Variants in AP2S1 observed in about 807,000 individuals in gnomAD.
The protein encoded by AP2S1 is adaptor related protein complex 2 subunit sigma 1.
A neutral mutation model predicts 21.0 loss-of-function variants in AP2S1; 6 were observed. The observed-to-expected ratio is 0.29, with a 90% CI of 0.16 to 0.56. The LOEUF (loss-of-function observed/expected upper bound fraction) is 0.56, where lower values mean the gene tolerates loss of function less well. Ranked by LOEUF, AP2S1 falls within the 20% of genes least tolerant of loss-of-function variation. AP2S1 has a pLI of 0.92. For missense variants in AP2S1, 60 were observed against 186.2 expected (o/e 0.32, Z 3.95); for synonymous variants, 63 against 74.6 (o/e 0.84, Z 0.80).
In AP2S1 at chr19:46,838,356, G is replaced by A; in HGVS notation, c.*91C>T. ...GTCCCTTCCTCCTAGGCAGCTGAGG[G>A]AAGGACTGCTGGGTTGGCCACGGGC... On this transcript the variant is annotated 3_prime_UTR_variant, in exon 5 of 5. Coordinates refer to ENST00000263270, the MANE Select transcript of AP2S1 (RefSeq NM_004069.6). The surrounding 1 kb of genome is among the most constrained non-coding windows in gnomAD (Gnocchi z 4.1). 1 of 1,271,136 alleles carries A rather than the reference G, an allele frequency of 7.9e-7. No homozygotes were observed. Among genetic ancestry groups the A allele is most frequent in the South Asian group, 1.2e-5 (1 of 81,036 alleles). The allele number at this position is 1,271,136 out of a possible 1,614,324, so 78.7% of individuals were successfully genotyped here.
At chr19:46,842,675 A>G (rs924450503) in intron 2 of AP2S1, among the ~76,000 whole-genome samples, 7 of 151,994 alleles carry the variant, frequency 4.6e-5, no homozygotes, top group African/African-American at 1.4e-4. Context: ...CCACTACATT[A>G]GCAGCAAGGT....
intron 2 of AP2S1, among the ~76,000 whole-genome samples, chr19:46,841,409 G>A (rs1201567865): frequency 6.6e-6 from 1 of 152,170 alleles, no homozygotes; most frequent in Non-Finnish European, 1.5e-5. Flanking sequence ...CTCCCTTCCT[G>A]TTTTAAATTT....
chr19:46,845,639 CA>C (rs1292439696), intron 2 of AP2S1: 12 of 164,456 alleles, frequency 7.3e-5, no homozygotes, highest in East Asian at 1.6e-4. Context: ...AACGCACCAG[CA>C]AAAAAAATTT....
intron 3 of AP2S1, among the ~76,000 whole-genome samples, 179 bp downstream of exon 3, chr19:46,839,286 C>CAAAAAAAAAAAAAAAAAAAAAAAAAAAAA (rs771792607): frequency 5.5e-5 from 4 of 72,920 alleles, no homozygotes; most frequent in South Asian, 5.0e-4. Context: ...GACTCCGTCT[C>CAAAAAAAAAAAAAAAAAAAAAAAAAAAAA]AAAAAAAAAA....
intron 3 of AP2S1, 124 bp downstream of exon 3, chr19:46,839,335 AATGGAG>A: frequency 1.3e-6 from 1 of 797,460 alleles, no homozygotes. Context: ...AAAAAAAAGA[AATGGAG>A]AGGGAGAGTC....
rs535758954 is a variant in AP2S1, at chr19:46,845,172, G to A, written c.153+821C>T. 1.7e-3 allele frequency among the ~76,000 whole-genome samples: 261 copies of A among 151,056 alleles called. 1 individual carries two copies. In the Middle Eastern group the frequency reaches 0.021, roughly 12 times the overall value. On this transcript the variant is annotated intron_variant, in intron 2 of 4. Coordinates refer to ENST00000263270, the MANE Select transcript of AP2S1 (RefSeq NM_004069.6). The stretch of plus-strand genomic sequence containing the variant: ...GCCTGTAATCCCAGCACTTTGGAAG[G>A]CCGAGGAGGGTGGATTACAAGGTCA...
intron 2 of AP2S1, among the ~76,000 whole-genome samples, chr19:46,844,646 A>G (rs1396668362): frequency 6.6e-6 from 1 of 151,950 alleles, no homozygotes; most frequent in Non-Finnish European, 1.5e-5. Flanking sequence ...AAAAATACAA[A>G]TATTAGCTGG....
At chr19:46,839,605 C>T (rs552764278) in intron 2 of AP2S1, 27 bp from the exon 3 acceptor site, 27 of 1,614,104 alleles carry the variant, frequency 1.7e-5, no homozygotes, top group Middle Eastern at 3.3e-4. Flanking sequence ...CTGTCAGCAA[C>T]GGAGATTGCC....
In AP2S1 at chr19:46,839,796, G is replaced by A; in HGVS notation, c.154-218C>T. ...CCCCAGAATGGACAGGATGGGCTGTGAGAGCCCAAAGAGGGTGCCTAACCC... is the reference window on the plus strand; with the variant it reads ...CCCCAGAATGGACAGGATGGGCTGTAAGAGCCCAAAGAGGGTGCCTAACCC... On this transcript the variant is annotated intron_variant, in intron 2 of 4. Coordinates refer to ENST00000263270, the MANE Select transcript of AP2S1 (RefSeq NM_004069.6). The A allele has an allele frequency of 4.0e-6, 3 of 749,584 alleles. No homozygotes were observed. In the East Asian group the frequency reaches 8.5e-5, roughly 21 times the overall value. 46.4% of individuals were successfully genotyped at this position (749,584 alleles called of 1,614,324 possible).
chr19:46,842,626 C>G (rs993284117), intron 2 of AP2S1, among the ~76,000 whole-genome samples: 15 of 152,146 alleles, frequency 9.9e-5, no homozygotes, highest in Admixed American at 9.8e-4. Flanking sequence ...TTGGGCCTCA[C>G]TGACCCCTCC....
At chr19:46,847,503 C>T (rs1391759913) in intron 1 of AP2S1, among the ~76,000 whole-genome samples, 1 of 152,210 alleles carries the variant, frequency 6.6e-6, no homozygotes, top group Non-Finnish European at 1.5e-5. Flanking sequence ...GCGTGAGCCA[C>T]TGCACCCCAC....
chr19:46,846,228 A>G, intron 1 of AP2S1, 86 bp from the exon 2 acceptor site: 1 of 1,540,504 alleles, frequency 6.5e-7, no homozygotes, highest in Non-Finnish European at 8.9e-7. Context: ...CCATCCACCC[A>G]GAGGGGAGAT....
intron 2 of AP2S1, among the ~76,000 whole-genome samples, chr19:46,842,181 A>G (rs927731786): frequency 3.9e-5 from 6 of 151,932 alleles, no homozygotes; most frequent in African/African-American, 1.5e-4. Flanking sequence ...ACCCTGTCTC[A>G]AATAATAATA....
Position 46,838,864 on chromosome 19 carries a change from G to A in AP2S1, c.268-65C>T, listed in dbSNP as rs184618924. The A allele has an allele frequency of 9.6e-4, 1,409 of 1,470,332 alleles. 3 individuals are homozygous for A. Among genetic ancestry groups the A allele is most frequent in the Middle Eastern group, 2.1e-3 (12 of 5,688 alleles). The allele number at this position is 1,470,332 out of a possible 1,614,324, so 91.1% of individuals were successfully genotyped here. On this transcript the variant is annotated intron_variant, in intron 3 of 4. Coordinates refer to ENST00000263270, the MANE Select transcript of AP2S1 (RefSeq NM_004069.6). The surrounding 1 kb of genome is among the most constrained non-coding windows in gnomAD (Gnocchi z 4.1). ...AGAGAGCCACACACGCACAGAGATG[G>A]GAACAAGGTCATCAGAAAGAGACAG... is the stretch of plus-strand genomic sequence containing the variant.
rs1204642261 is a variant in AP2S1 at position 46,838,613 on chromosome 19, C to T, written c.328-65G>A. On this transcript the variant is annotated intron_variant, in intron 4 of 4. Coordinates refer to ENST00000263270, the MANE Select transcript of AP2S1 (RefSeq NM_004069.6). This position sits in a 1 kb window ranked among gnomAD's most constrained non-coding sequence, Gnocchi z 4.1. Reference sequence around the variant, plus strand: ...AGGATGCTGGCCCGGACCCTGGAAGCTGGGGCTCTGATGCCCCTCGAGCTG... The same window carrying T: ...AGGATGCTGGCCCGGACCCTGGAAGTTGGGGCTCTGATGCCCCTCGAGCTG... 4.4e-6 allele frequency: 7 copies of T among 1,589,800 alleles called. No individual in the cohort carries two copies. Among genetic ancestry groups the T allele is most frequent in the Non-Finnish European group, 6.0e-6 (7 of 1,158,788 alleles).
intron 2 of AP2S1, among the ~76,000 whole-genome samples, chr19:46,840,040 C>A (rs1414026122): frequency 6.6e-6 from 1 of 152,116 alleles, no homozygotes; most frequent in Non-Finnish European, 1.5e-5. Context: ...TTAATTAACT[C>A]AATTATTTAA....
rs374931980 is a variant in AP2S1 at position 46,847,609 on chromosome 19, T to G, written c.4-1467A>C. Among the ~76,000 whole-genome samples the G allele has an allele frequency of 9.2e-5, 14 of 152,102 alleles. No individual in the cohort carries two copies. In the South Asian group the frequency reaches 2.7e-3, roughly 29 times the overall value. On this transcript the variant is annotated intron_variant, in intron 1 of 4. Coordinates refer to ENST00000263270, the MANE Select transcript of AP2S1 (RefSeq NM_004069.6). ...CCACCCATTAGCAGTCACTCTCCGT[T>G]CCCCCAGGGCCTGGCAGCCACGAGT...
chr19:46,850,577 C>A, intron 1 of AP2S1, 187 bp downstream of exon 1: 1 of 639,256 alleles, frequency 1.6e-6, no homozygotes, highest in Non-Finnish European at 2.6e-6. Flanking sequence ...CCCCTGGTAA[C>A]CCCCGCGCGC....
At chr19:46,846,642 AG>A (rs912731517) in intron 1 of AP2S1, among the ~76,000 whole-genome samples, 1 of 151,822 alleles carries the variant, frequency 6.6e-6, no homozygotes, top group Non-Finnish European at 1.5e-5. Context: ...TCATCTCACC[AG>A]GGTGGTTTTT....
Sources: allele counts gnomAD v4.1 joint callset (sites outside exome capture counted in the v4.1 genomes callset), GRCh38; gene constraint gnomAD v4.1.1; non-coding constraint Gnocchi (gnomAD v3.1); transcripts MANE v1.5; gene names NCBI Gene and HGNC (gene_info 2026-07-23, HGNC 2026-07-21).